The following TAPBPL variants were observed in gnomAD, a reference collection of about 807,000 sequenced individuals.
TAPBPL encodes TAP binding protein like, also known as tapasin-related protein.
In TAPBPL, 32 loss-of-function variants were observed where a neutral mutation model predicts 44.8. That is an observed-to-expected ratio of 0.71 (90% CI 0.54 to 0.96). The LOEUF (loss-of-function observed/expected upper bound fraction) is 0.96. TAPBPL is among the 40% of genes least tolerant of loss of function. The pLI, the probability that TAPBPL is intolerant of heterozygous loss-of-function variation, is 0.00. For missense variants in TAPBPL, 520 were observed against 586.6 expected (o/e 0.89, Z 1.17); for synonymous variants, 230 against 240.7 (o/e 0.96, Z 0.41).
chr12:6,465,810 GA>G (rs1476215642), downstream of TAPBPL: 3 of 1,611,244 alleles, frequency 1.9e-6, no homozygotes, highest in African/African-American at 4.0e-5. Flanking sequence ...GGAAGCCCAG[GA>G]AAAGATGGAG....
rs1182096694 is a variant in TAPBPL, at chr12:6,453,567, C to G, written c.416C>G (p.Ala139Gly). 2 of 1,614,214 alleles carry G rather than the reference C, an allele frequency of 1.2e-6. No individual in the cohort carries two copies. The highest frequency in any genetic ancestry group is 2.2e-5 in the South Asian group (2 of 91,088). The change falls in exon 3 of 7, where the codon GCA becomes GGA. Residue 139 changes from alanine (A) to glycine (G), a missense_variant. Ala to Gly is a moderately conservative substitution (Grantham distance 60). Transcript: ENST00000266556. This position sits in a 1 kb window ranked among gnomAD's most constrained non-coding sequence, Gnocchi z 4.8. The part of the protein sequence containing the change: ...LQMTETTVKT[A>G]AWFMANMQVS... Reference sequence around the variant, plus strand: ...ATGACAGAGACCACTGTTAAGACAGCAGCTTGGTTCATGGCCAACATGCAG... The same window carrying G: ...ATGACAGAGACCACTGTTAAGACAGGAGCTTGGTTCATGGCCAACATGCAG...
chr12:6,453,164 T>A lies in TAPBPL; in HGVS notation c.162T>A (p.Ser54Arg). ...CGCACCGTGGAGCTCTCGCCAGCAG[T>A]GAGGACAGGGCAAGGGCCTCCCTTG... ...DGAHRGALAS[S>R]EDRARASLVL... Residue 54 changes from serine to arginine, a missense_variant, in exon 2 of 7, where the codon AGT becomes AGA. By Grantham distance (110) the Ser-to-Arg change is moderately radical. Coordinates refer to ENST00000266556, the MANE Select transcript of TAPBPL (RefSeq NM_018009.5). This position sits in a 1 kb window ranked among gnomAD's most constrained non-coding sequence, Gnocchi z 4.8. 6.2e-7 allele frequency: 1 copy of A among 1,609,084 alleles called. No individual in the cohort carries two copies. Among genetic ancestry groups the A allele is most frequent in the Non-Finnish European group, 8.5e-7 (1 of 1,178,102 alleles).
downstream of TAPBPL, chr12:6,466,075 C>T: frequency 6.2e-7 from 1 of 1,611,810 alleles, no homozygotes. Context: ...CAGAGAATCA[C>T]AAGTCTGGCC....
chr12:6,452,487 G>C (rs939331011), intron 1 of TAPBPL, 175 bp downstream of exon 1: 2 of 1,438,822 alleles, frequency 1.4e-6, no homozygotes, highest in African/African-American at 2.9e-5. Flanking sequence ...AGTGTGTGTG[G>C]AGGGAGGGTG....
downstream of TAPBPL, among the ~76,000 whole-genome samples, chr12:6,471,393 C>T (rs752955710): frequency 6.6e-6 from 1 of 152,204 alleles, no homozygotes; most frequent in Non-Finnish European, 1.5e-5. This position sits in a 1 kb window ranked among gnomAD's most constrained non-coding sequence, Gnocchi z 4.0. Flanking sequence ...TTCACCTTTA[C>T]CTCTCCCCCA....
chr12:6,457,051 C>G (rs1007638594), intron 3 of TAPBPL, among the ~76,000 whole-genome samples: 1 of 152,324 alleles, frequency 6.6e-6, no homozygotes, highest in African/African-American at 2.4e-5. Context: ...GGTCACGGAG[C>G]CAGTAAGTGG....
chr12:6,453,275 A>G lies in TAPBPL; in HGVS notation c.273A>G (p.Pro91=). The G allele has an allele frequency of 6.2e-7, 1 of 1,613,950 alleles. No individual in the cohort carries two copies. The highest frequency in any genetic ancestry group is 1.3e-5 in the African/African-American group (1 of 75,020). Residue 91 remains proline (P), a synonymous_variant, in exon 2 of 7, where the codon CCA becomes CCG. Coordinates refer to ENST00000266556, the MANE Select transcript of TAPBPL (RefSeq NM_018009.5). This position sits in a 1 kb window ranked among gnomAD's most constrained non-coding sequence, Gnocchi z 4.8. ...GGGGCACACTGGCCCAAGATGACCC[A>G]CCTATTATCTTTGAGGCCTCAGGTA... ...FQGGTLAQDD[P]PIIFEASVDL...
downstream of TAPBPL, chr12:6,463,960 G>A: frequency 3.1e-6 from 4 of 1,290,136 alleles, no homozygotes; most frequent in Non-Finnish European, 4.0e-6. The surrounding 1 kb of genome is among the most constrained non-coding windows in gnomAD (Gnocchi z 4.0). Context: ...TTGGACTTTG[G>A]TCCACCCCCA....
intron 5 of TAPBPL, among the ~76,000 whole-genome samples, chr12:6,460,356 C>A (rs1592138981): frequency 6.6e-6 from 1 of 152,190 alleles, no homozygotes; most frequent in East Asian, 1.9e-4. Flanking sequence ...AACTCTGCCT[C>A]CCAGGCTCAA....
chr12:6,460,817 C>G (rs2243977), intron 5 of TAPBPL, 38 bp from the exon 6 acceptor site: 6 of 1,605,348 alleles, frequency 3.7e-6, no homozygotes, highest in Non-Finnish European at 5.1e-6. Context: ...ATGATTCCTG[C>G]GCACGATGAT....
intron 3 of TAPBPL, among the ~76,000 whole-genome samples, chr12:6,456,676 C>T (rs186493905): frequency 6.7e-5 from 10 of 148,894 alleles, no homozygotes; most frequent in South Asian, 2.1e-4. Context: ...TTTTTTGAGA[C>T]GGAGTTTCAC....
At position 6,453,093 on chromosome 12, in the gene TAPBPL, C is replaced by T. The variant is rs143587254; in HGVS notation, c.91C>T (p.Arg31Trp). 7.6e-6 allele frequency: 12 copies of T among 1,576,334 alleles called. No individual in the cohort carries two copies. The African/African-American group carries it at 8.0e-5, about 11-fold the overall frequency. ...TKPHPAEGQW[R>W]AVDVVLDCFL... ...GCCCCACCCAGCAGAGGGGCAGTGG[C>T]GGGCAGTGGACGTGGTCCTAGACTG... Residue 31 changes from arginine (R) to tryptophan (W), a missense_variant, in exon 2 of 7, where the codon CGG becomes TGG. Coordinates refer to ENST00000266556, the MANE Select transcript of TAPBPL (RefSeq NM_018009.5). The surrounding 1 kb of genome is among the most constrained non-coding windows in gnomAD (Gnocchi z 4.8).
intron 6 of TAPBPL, chr12:6,461,439 A>C (rs1949856912): frequency 1.0e-6 from 1 of 1,002,442 alleles, no homozygotes; most frequent in Non-Finnish European, 1.2e-6. Flanking sequence ...ATGGAGAAGG[A>C]ACAAGTGAGG....
At chr12:6,452,833 G>A (rs1034689209) in intron 1 of TAPBPL, among the ~76,000 whole-genome samples, 1 of 152,230 alleles carries the variant, frequency 6.6e-6, no homozygotes, top group African/African-American at 2.4e-5. Flanking sequence ...ACTCCTCTGA[G>A]CAAGGCAAAT....
At chr12:6,465,221 T>C (rs1949973690), downstream of TAPBPL, 2 of 482,792 alleles carry the variant, frequency 4.1e-6, no homozygotes, top group Non-Finnish European at 3.9e-6. Flanking sequence ...GGCATTCCAA[T>C]AGAGATACAG....
chr12:6,467,991 G>A (rs1167727060), downstream of TAPBPL, among the ~76,000 whole-genome samples: 1 of 152,258 alleles, frequency 6.6e-6, no homozygotes, highest in Non-Finnish European at 1.5e-5. Context: ...TGGATGTCCA[G>A]GCAAAAGTTT....
chr12:6,463,362 A>C, downstream of TAPBPL: 1 of 1,098,944 alleles, frequency 9.1e-7, no homozygotes, highest in African/African-American at 1.6e-5. The surrounding 1 kb of genome is among the most constrained non-coding windows in gnomAD (Gnocchi z 4.0). Flanking sequence ...ACTTCTCTGC[A>C]TCCTGAGGAT....
downstream of TAPBPL, chr12:6,466,310 G>A: frequency 6.2e-7 from 1 of 1,614,096 alleles, no homozygotes; most frequent in Non-Finnish European, 8.5e-7. Context: ...ACCTGGGGCA[G>A]TCCCTTCTGT....
At chr12:6,458,507 C>A (rs745323186) in intron 4 of TAPBPL, 138 bp from the exon 5 acceptor site, 7 of 1,044,510 alleles carry the variant, frequency 6.7e-6, no homozygotes, top group Non-Finnish European at 8.2e-6. Context: ...CCCTCACACA[C>A]CCCCGCCTTG....
Sources: gnomAD v4.1 joint callset for allele counts (sites outside exome capture counted in the v4.1 genomes callset) on GRCh38, gnomAD v4.1.1 for gene constraint, Gnocchi (gnomAD v3.1) non-coding constraint, MANE v1.5 for transcripts, NCBI Gene and HGNC (gene_info 2026-07-23, HGNC 2026-07-21) for gene names.